ZDHHC7: variants seen among roughly 807,000 people sequenced by gnomAD.
ZDHHC7 encodes the protein palmitoyltransferase ZDHHC7.
Under a neutral mutation model 34.1 loss-of-function variants are expected in ZDHHC7, and 12 were observed. That is an observed-to-expected ratio of 0.35 (90% confidence interval 0.23 to 0.57). The LOEUF (loss-of-function observed/expected upper bound fraction) is 0.57. ZDHHC7 is among the 20% of genes least tolerant of loss of function. The pLI is 0.84. For synonymous variants in ZDHHC7, 185 were observed against 155.4 expected (o/e 1.19, Z -1.42); for missense variants, 388 against 402.7 (o/e 0.96, Z 0.31).
At chr16:84,977,817 C>A in intron 6 of ZDHHC7, 107 bp downstream of exon 6, 1 of 827,656 alleles carries the variant, frequency 1.2e-6, no homozygotes, top group Non-Finnish European at 1.9e-6. Context: ...AAAATAATTG[C>A]AATGATTTCC....
chr16:85,016,057 C>T (rs1052990727), upstream of ZDHHC7, among the ~76,000 whole-genome samples: 1 of 152,050 alleles, frequency 6.6e-6, no homozygotes, highest in African/African-American at 2.4e-5. Context: ...GCATTTCCAC[C>T]CCCCCAACCA....
intron 1 of ZDHHC7, 33 bp downstream of exon 1, chr16:85,011,253 A>G (rs2072787771): frequency 6.6e-6 from 1 of 152,044 alleles, no homozygotes; most frequent in Admixed American, 6.6e-5. Context: ...CCCGGGAGTG[A>G]GCAGCCCGCC....
At chr16:84,977,001 T>A in intron 7 of ZDHHC7, 94 bp downstream of exon 7, 1 of 1,535,976 alleles carries the variant, frequency 6.5e-7, no homozygotes, top group Non-Finnish European at 8.8e-7. Flanking sequence ...CGTTCCCGAG[T>A]CAGTCCACAG....
intron 1 of ZDHHC7, among the ~76,000 whole-genome samples, chr16:85,009,366 G>A (rs1421149888): frequency 6.6e-6 from 1 of 151,880 alleles, no homozygotes; most frequent in East Asian, 1.9e-4. Context: ...TCACTGAGAG[G>A]GCCATTCTAT....
At chr16:85,007,606 C>G (rs1353202989) in intron 1 of ZDHHC7, among the ~76,000 whole-genome samples, 1 of 151,840 alleles carries the variant, frequency 6.6e-6, no homozygotes, top group Admixed American at 6.6e-5. Context: ...AAAGCAGACA[C>G]AAGCGTTAAC....
At chr16:84,977,786 A>ATTCT in intron 6 of ZDHHC7, 138 bp downstream of exon 6, 4 of 718,562 alleles carry the variant, frequency 5.6e-6, no homozygotes, top group Non-Finnish European at 7.1e-6. Flanking sequence ...ACTTAACTAA[A>ATTCT]TTCTTTAAAA....
chr16:85,003,464 T>A (rs1050903355), intron 1 of ZDHHC7, among the ~76,000 whole-genome samples: 11 of 152,214 alleles, frequency 7.2e-5, no homozygotes, highest in African/African-American at 2.7e-4. Flanking sequence ...ACTGCGCTCC[T>A]AAGTGCTCTT....
intron 3 of ZDHHC7, among the ~76,000 whole-genome samples, chr16:84,983,103 G>T (rs530741274): frequency 6.6e-6 from 1 of 152,342 alleles, no homozygotes; most frequent in East Asian, 1.9e-4. Flanking sequence ...AGAGGAACAA[G>T]GCCTTGTGTC....
At chr16:85,000,601 C>T (rs1567504269) in intron 1 of ZDHHC7, among the ~76,000 whole-genome samples, 1 of 152,176 alleles carries the variant, frequency 6.6e-6, no homozygotes, top group Non-Finnish European at 1.5e-5. Flanking sequence ...CTTGTCGTTG[C>T]TTTACTGTTC....
chr16:84,985,464 C>T (rs575453120), intron 3 of ZDHHC7, among the ~76,000 whole-genome samples: 5 of 152,062 alleles, frequency 3.3e-5, no homozygotes, highest in East Asian at 1.9e-4. Context: ...ATGCTGGGGA[C>T]GAGGAGCACA....
chr16:84,997,804 A>G (rs1320298308), intron 1 of ZDHHC7, among the ~76,000 whole-genome samples: 3 of 147,634 alleles, frequency 2.0e-5, no homozygotes, highest in Non-Finnish European at 4.5e-5. Flanking sequence ...GAGGCAGGAG[A>G]ATGGCATGAA....
chr16:84,977,312 A>G, intron 6 of ZDHHC7, 87 bp from the exon 7 acceptor site: 1 of 1,534,662 alleles, frequency 6.5e-7, no homozygotes, highest in South Asian at 1.2e-5. Context: ...CTCTAGGGCC[A>G]GCCCCTGGCC....
intron 1 of ZDHHC7, among the ~76,000 whole-genome samples, chr16:84,997,757 G>T (rs552974283): frequency 6.7e-6 from 1 of 150,004 alleles, no homozygotes; most frequent in African/African-American, 2.4e-5. Flanking sequence ...GCTAGGCGTG[G>T]TGGTGGGCGC....
the ZDHHC7 span, among the ~76,000 whole-genome samples, chr16:85,026,488 T>TG: frequency 6.3e-4 from 96 of 152,186 alleles, no homozygotes; most frequent in Non-Finnish European, 1.2e-3. Flanking sequence ...GAAGGAGCTA[T>TG]GGTGCTGAAG....
At chr16:84,997,493 G>A (rs894311185) in intron 1 of ZDHHC7, among the ~76,000 whole-genome samples, 1 of 150,112 alleles carries the variant, frequency 6.7e-6, no homozygotes, top group Non-Finnish European at 1.5e-5. Context: ...GAATGGTCTC[G>A]ATCTCCTGAC....
upstream of ZDHHC7, among the ~76,000 whole-genome samples, chr16:85,015,782 G>A (rs2072831573): frequency 6.6e-6 from 1 of 151,562 alleles, no homozygotes; most frequent in Non-Finnish European, 1.5e-5. Context: ...GGAAGTTGAG[G>A]CTGATCATCC....
At chr16:84,991,699 G>C (rs567809930) in intron 2 of ZDHHC7, among the ~76,000 whole-genome samples, 124 of 150,910 alleles carry the variant, frequency 8.2e-4, no homozygotes, top group African/African-American at 2.9e-3. Context: ...GATGAGGTCT[G>C]ACTATGTTGC....
intron 1 of ZDHHC7, among the ~76,000 whole-genome samples, chr16:85,001,924 AAAT>A (rs1292358674): frequency 7.8e-4 from 116 of 149,106 alleles, no homozygotes; most frequent in African/African-American, 2.8e-3. Flanking sequence ...GAGGCAAAAA[AAAT>A]AAATATATAT....
chr16:84,979,448 T>G (rs2072338223), intron 4 of ZDHHC7, 163 bp from the exon 5 acceptor site: 1 of 727,484 alleles, frequency 1.4e-6, no homozygotes, highest in Non-Finnish European at 1.7e-6. Context: ...GTTTATCATT[T>G]TAATTAAATG....
Sources: allele counts gnomAD v4.1 joint callset (sites outside exome capture counted in the v4.1 genomes callset), GRCh38; gene constraint gnomAD v4.1.1; transcripts MANE v1.5; gene names NCBI Gene and HGNC (gene_info 2026-07-23, HGNC 2026-07-21).